Variants in RUBCNL observed in about 807,000 individuals in gnomAD.
RUBCNL encodes rubicon like autophagy enhancer.
RUBCNL carries 62 observed loss-of-function variants against 69.5 expected under a neutral mutation model. The ratio of observed to expected loss-of-function variants is 0.89; its 90% CI spans 0.73 to 1.10. The LOEUF is 1.10. RUBCNL is among the 50% of genes least tolerant of loss of function. RUBCNL has a pLI of 0.00. For missense variants in RUBCNL, 768 were observed against 798.1 expected (o/e 0.96, Z 0.45); for synonymous variants, 291 against 303.6 (o/e 0.96, Z 0.43).
chr13:46,349,221 G>A (rs1347794508), intron 12 of RUBCNL, 65 bp downstream of exon 12: 1 of 1,401,848 alleles, frequency 7.1e-7, no homozygotes, highest in Non-Finnish European at 1.0e-6. Context: ...GCCAGATGCA[G>A]GAGGCACTAA....
At chr13:46,343,595 A>G in intron 14 of RUBCNL, 98 bp from the exon 15 acceptor site, 1 of 1,253,160 alleles carries the variant, frequency 8.0e-7, no homozygotes, top group Non-Finnish European at 1.1e-6. Flanking sequence ...GAGGGGTCTG[A>G]ATCCAGAGCC....
chr13:46,353,456 C>A (rs1165239480), intron 10 of RUBCNL, among the ~76,000 whole-genome samples: 1 of 152,152 alleles, frequency 6.6e-6, no homozygotes, highest in Non-Finnish European at 1.5e-5. Context: ...TAATGTCCAT[C>A]TTTTTTAATT....
At chr13:46,372,647 T>C in intron 2 of RUBCNL, 50 bp from the exon 3 acceptor site, 1 of 1,418,296 alleles carries the variant, frequency 7.1e-7, no homozygotes, top group Non-Finnish European at 9.2e-7. Context: ...CAATTGTATT[T>C]TGGCTACAAA....
At chr13:46,368,301 A>G in intron 4 of RUBCNL, 52 bp from the exon 5 acceptor site, 2 of 1,533,646 alleles carry the variant, frequency 1.3e-6, no homozygotes, top group Non-Finnish European at 8.8e-7. Context: ...TTTTTCATGG[A>G]GGGTATATTA....
intron 5 of RUBCNL, among the ~76,000 whole-genome samples, chr13:46,365,374 AC>A (rs1161789222): frequency 2.0e-5 from 3 of 151,972 alleles, no homozygotes; most frequent in Non-Finnish European, 4.4e-5. Context: ...ACGTACACAC[AC>A]AAAAAACACA....
At chr13:46,388,398 A>G (rs193285892), upstream of RUBCNL, among the ~76,000 whole-genome samples, 14 of 149,404 alleles carry the variant, frequency 9.4e-5, no homozygotes, top group Non-Finnish European at 9.0e-5. Flanking sequence ...GGAAGGAAGG[A>G]ATCTAAGCCA....
intron 12 of RUBCNL, among the ~76,000 whole-genome samples, chr13:46,348,770 A>G (rs1276320691): frequency 6.6e-6 from 1 of 151,954 alleles, no homozygotes; most frequent in African/African-American, 2.4e-5. Flanking sequence ...CGCCTAGCTA[A>G]TTTTTGTAAT....
chr13:46,387,874 G>A (rs2049283982), upstream of RUBCNL: 2 of 984,276 alleles, frequency 2.0e-6, no homozygotes, highest in African/African-American at 3.5e-5. Flanking sequence ...GTGGTGCTAG[G>A]AGAACCTGCC....
At chr13:46,389,040 C>T (rs900213991), upstream of RUBCNL, among the ~76,000 whole-genome samples, 7 of 152,156 alleles carry the variant, frequency 4.6e-5, no homozygotes, top group South Asian at 4.2e-4. The surrounding 1 kb of genome is among the most constrained non-coding windows in gnomAD (Gnocchi z 4.2). Context: ...AGCTGAAGGC[C>T]GATTGGGAAG....
intron 4 of RUBCNL, 155 bp downstream of exon 4, chr13:46,368,578 T>TAAG (rs1244426270): frequency 2.3e-6 from 2 of 869,052 alleles, no homozygotes; most frequent in East Asian, 2.4e-4. Context: ...GGAACCCTTC[T>TAAG]TAGCTTAGTG....
chr13:46,341,103 G>C lies in RUBCNL; in HGVS notation c.*2282C>G, dbSNP rs1055119892. On this transcript the variant is annotated 3_prime_UTR_variant, in exon 15 of 15. Transcript: ENST00000429979. ...CCTCATCCTATAGCCTCTGCCTTGA[G>C]ATGGTGTAACTTCCTCCCTGCAGTT... is the stretch of plus-strand genomic sequence containing the variant. Among the ~76,000 whole-genome samples, 1 of 152,220 alleles carries C rather than the reference G, an allele frequency of 6.6e-6. No homozygotes were observed. Among genetic ancestry groups the C allele is most frequent in the African/African-American group, 2.4e-5 (1 of 41,452 alleles).
At chr13:46,361,241 A>G (rs2048603468) in intron 8 of RUBCNL, among the ~76,000 whole-genome samples, 200 bp downstream of exon 8, 1 of 152,148 alleles carries the variant, frequency 6.6e-6, no homozygotes, top group Non-Finnish European at 1.5e-5. Context: ...ATTAATAAAT[A>G]AAATAAAATA....
intron 10 of RUBCNL, 142 bp from the exon 11 acceptor site, chr13:46,350,493 A>C (rs929743429): frequency 4.8e-6 from 3 of 627,900 alleles, no homozygotes; most frequent in Non-Finnish European, 8.3e-6. Context: ...ACCTCATGAC[A>C]GCTGGGAAGG....
rs1374850949 is a variant in RUBCNL, at chr13:46,339,460, G to A, written c.*3925C>T. 1.3e-5 allele frequency among the ~76,000 whole-genome samples: 2 copies of A among 152,128 alleles called. No homozygotes were observed. The highest frequency in any genetic ancestry group is 2.9e-5 in the Non-Finnish European group (2 of 68,024). ...AAGCCAGCCATGCAGGCTCAGACCTGGGGGCAGAAACTGAATGTCAAACCC... is the reference window on the plus strand; with the variant it reads ...AAGCCAGCCATGCAGGCTCAGACCTAGGGGCAGAAACTGAATGTCAAACCC... On this transcript the variant is annotated 3_prime_UTR_variant, in exon 15 of 15. Coordinates refer to ENST00000429979, the MANE Select transcript of RUBCNL (RefSeq NM_025113.5).
chr13:46,384,456 T>TGTACTTACTCTACAGTTTTCTGCAAAC (rs2049191042), intron 1 of RUBCNL, among the ~76,000 whole-genome samples: 2 of 152,200 alleles, frequency 1.3e-5, no homozygotes, highest in Non-Finnish European at 2.9e-5. Context: ...ACTCTATAAT[T>TGTACTTACTCTACAGTTTTCTGCAAAC]GTACTTACTC....
At chr13:46,378,968 C>G (rs2049059751) in intron 1 of RUBCNL, among the ~76,000 whole-genome samples, 1 of 152,190 alleles carries the variant, frequency 6.6e-6, no homozygotes, top group African/African-American at 2.4e-5. Flanking sequence ...GTAATTGCCC[C>G]TCCCAAACAG....
chr13:46,382,267 A>G (rs1351325322), intron 1 of RUBCNL, among the ~76,000 whole-genome samples: 1 of 152,224 alleles, frequency 6.6e-6, no homozygotes, highest in Non-Finnish European at 1.5e-5. Context: ...AAAAGAGCAC[A>G]AGCTACACAC....
chr13:46,381,398 A>C (rs2049114063), intron 1 of RUBCNL, among the ~76,000 whole-genome samples: 1 of 152,186 alleles, frequency 6.6e-6, no homozygotes, highest in South Asian at 2.1e-4. Context: ...TAAAATGTCC[A>C]GAATAGGCAA....
At chr13:46,343,538 T>C in intron 14 of RUBCNL, 41 bp from the exon 15 acceptor site, 3 of 1,591,196 alleles carry the variant, frequency 1.9e-6, no homozygotes, top group Non-Finnish European at 2.6e-6. Flanking sequence ...CGGTCTATCT[T>C]GTTTTCTCAC....
Sources: allele counts gnomAD v4.1 joint callset (sites outside exome capture counted in the v4.1 genomes callset), GRCh38; gene constraint gnomAD v4.1.1; non-coding constraint Gnocchi (gnomAD v3.1); transcripts MANE v1.5; gene names NCBI Gene and HGNC (gene_info 2026-07-23, HGNC 2026-07-21).